ITIH6: variants seen among roughly 807,000 people sequenced by gnomAD.
The protein encoded by ITIH6 is inter-alpha-trypsin inhibitor heavy chain H6.
Under a neutral mutation model 58.2 loss-of-function variants are expected in ITIH6, and 60 were observed. The ratio of observed to expected loss-of-function variants is 1.03; its 90% CI spans 0.84 to 1.28. The LOEUF is 1.28. Among genes scored for constraint, ITIH6 ranks in the 50% most tolerant of loss-of-function variants. The pLI, the probability that ITIH6 is intolerant of heterozygous loss-of-function variation, is 0.00. For synonymous variants in ITIH6, 493 were observed against 417.4 expected (o/e 1.18, Z -2.21); for missense variants, 1,290 against 1,021.1 (o/e 1.26, Z -3.59).
At position 54,758,400 on chromosome X, in the gene ITIH6, G is replaced by A; in HGVS notation, c.1674C>T (p.His558=). 1.7e-6 allele frequency: 2 copies of A among 1,211,186 alleles called. No individual in the cohort carries two copies. Among genetic ancestry groups the A allele is most frequent in the Non-Finnish European group, 2.2e-6 (2 of 895,093 alleles). Residue 558 remains histidine (H), a synonymous_variant, in exon 8 of 13, where the codon CAC becomes CAT. Transcript: ENST00000218436. ...CPGEPAPNVA[H]FIRRLWAYVT... ...CATAGGCCCAGAGGCGGCGGATGAAGTGGGCCACATTGGGGGCTGGCTCCC... is the reference window on the plus strand; with the variant it reads ...CATAGGCCCAGAGGCGGCGGATGAAATGGGCCACATTGGGGGCTGGCTCCC...
chrX:54,759,753 T>TA lies in ITIH6; in HGVS notation c.1075+2dup, dbSNP rs757087469. ...CATTTGGGTGGGTAGATCTAACACT[T>TA]ACAGCCATCGGCTTCCATGCAATGC... On this transcript the variant is annotated splice_region_variant and intron_variant, in intron 7 of 12. Transcript: ENST00000218436. The TA allele has an allele frequency of 0.012, 14,107 of 1,202,700 alleles. 70 individuals carry two copies. The highest frequency in any genetic ancestry group is 0.014 in the Non-Finnish European group (12,547 of 891,246).
intron 5 of ITIH6, among the ~76,000 whole-genome samples, chrX:54,781,702 T>C (rs1382963882): frequency 8.9e-6 from 1 of 112,163 alleles, no homozygotes; most frequent in Non-Finnish European, 1.9e-5. Context: ...AAATCAGAAA[T>C]AGCATTTGAC....
chrX:54,796,803 C>T lies in ITIH6; in HGVS notation c.257+139G>A, dbSNP rs778339939. On this transcript the variant is annotated intron_variant, in intron 2 of 12. Transcript: ENST00000218436. Reference sequence around the variant, plus strand: ...TAACTTGCCCTGGGTCCCAAACTGGCAGAGCCAGGATTCAGACTCAAGAAG... The same window carrying T: ...TAACTTGCCCTGGGTCCCAAACTGGTAGAGCCAGGATTCAGACTCAAGAAG... 44 of 552,805 alleles carry T rather than the reference C, an allele frequency of 8.0e-5. No individual in the cohort carries two copies. The East Asian group carries it at 1.4e-3, about 18-fold the overall frequency. The allele number at this position is 552,805 out of a possible 1,213,427, so 45.6% of individuals were successfully genotyped here.
At chrX:54,774,868 G>A (rs1602061754) in intron 5 of ITIH6, among the ~76,000 whole-genome samples, 2 of 111,960 alleles carry the variant, frequency 1.8e-5, no homozygotes, top group South Asian at 7.4e-4. Flanking sequence ...GAGGGGAGGG[G>A]GGCTGGGAGG....
At chrX:54,771,492 C>T (rs1050470498) in intron 6 of ITIH6, among the ~76,000 whole-genome samples, 1 of 112,008 alleles carries the variant, frequency 8.9e-6, no homozygotes, top group Non-Finnish European at 1.9e-5. Flanking sequence ...CAAAGGGATT[C>T]TTCATTCCTG....
rs778013812 is a variant in ITIH6, at chrX:54,774,486, G to T, written c.787-289C>A. 9.7e-5 allele frequency among the ~76,000 whole-genome samples: 11 copies of T among 113,214 alleles called. No homozygotes were observed. In the South Asian group the frequency reaches 4.0e-3, roughly 41 times the overall value. ...GGATCAGGATCTCTGTAATATGTGA[G>T]TTCCTGTCTGTGAGAGAGTTGGGCT... On this transcript the variant is annotated intron_variant, in intron 5 of 12. Transcript: ENST00000218436.
chrX:54,771,714 T>C (rs776504195), intron 6 of ITIH6, among the ~76,000 whole-genome samples: 1 of 111,637 alleles, frequency 9.0e-6, no homozygotes, highest in Non-Finnish European at 1.9e-5. Flanking sequence ...GACATACATG[T>C]AGACAACAAG....
chrX:54,757,717 G>C lies in ITIH6; in HGVS notation c.2357C>G (p.Pro786Arg). Residue 786 changes from proline (P) to arginine (R), a missense_variant, in exon 8 of 13, where the codon CCT becomes CGT. Physicochemically the swap from Pro to Arg is moderately radical, Grantham distance 103. Transcript: ENST00000218436. Reference protein sequence around the residue: ...VKCVTPLHSKPGAPSHPQLGA... With the variant: ...VKCVTPLHSKRGAPSHPQLGA... ...AAGTTGGGGGTGCGATGGAGCACCA[G>C]GTTTGGAATGCAGTGGAGTAACACA... is the stretch of plus-strand genomic sequence containing the variant. 1 of 1,211,638 alleles carries C rather than the reference G, an allele frequency of 8.3e-7. No individual in the cohort carries two copies. The highest frequency in any genetic ancestry group is 1.1e-6 in the Non-Finnish European group (1 of 895,410).
chrX:54,771,685 C>T lies in ITIH6; in HGVS notation c.903+2396G>A, dbSNP rs1407559531. Reference sequence around the variant, plus strand: ...TTAAAAAATTGGCAAAGGACATGAACAGATACTTCTGAAAAGAAGACATAC... The same window carrying T: ...TTAAAAAATTGGCAAAGGACATGAATAGATACTTCTGAAAAGAAGACATAC... On this transcript the variant is annotated intron_variant, in intron 6 of 12. Transcript: ENST00000218436. Among the ~76,000 whole-genome samples, 4 of 111,746 alleles carry T rather than the reference C, an allele frequency of 3.6e-5. No individual in the cohort carries two copies. The Admixed American group carries it at 3.8e-4, about 11-fold the overall frequency.
intron 6 of ITIH6, among the ~76,000 whole-genome samples, chrX:54,761,989 C>T (rs1178480817): frequency 8.9e-6 from 1 of 111,748 alleles, no homozygotes; most frequent in Admixed American, 9.5e-5. Flanking sequence ...TCCTTGGTAG[C>T]TTGATGGGGA....
chrX:54,753,370 T>C (rs1348150367), intron 11 of ITIH6, among the ~76,000 whole-genome samples: 2 of 112,566 alleles, frequency 1.8e-5, no homozygotes, highest in South Asian at 3.7e-4. Context: ...ATGTTTTTAA[T>C]TTTTTATCGT....
chrX:54,763,829 TA>T (rs1171107737), intron 6 of ITIH6, among the ~76,000 whole-genome samples: 5 of 112,408 alleles, frequency 4.4e-5, no homozygotes, highest in Non-Finnish European at 9.4e-5. Context: ...CGTCAGTTTT[TA>T]CTTCATATAT....
At position 54,788,677 on chromosome X, in the gene ITIH6, G is replaced by GT. The variant is rs763357781; in HGVS notation, c.617-29_617-28insA. On this transcript the variant is annotated intron_variant, in intron 4 of 12. Coordinates refer to ENST00000218436, the MANE Select transcript of ITIH6 (RefSeq NM_198510.3). ...GTATGGGTGGGGAGGATCGGGGCGGGGTGGTACAGAGGACTCGCAAGACAG... is the reference window on the plus strand; with the variant it reads ...GTATGGGTGGGGAGGATCGGGGCGGGTGTGGTACAGAGGACTCGCAAGACAG... 24 of 1,167,551 alleles carry GT rather than the reference G, an allele frequency of 2.1e-5. No homozygotes were observed. The South Asian group carries it at 4.0e-4, about 20-fold the overall frequency.
In ITIH6 at chrX:54,757,435, TG is replaced by T. The variant is rs766044136; in HGVS notation, c.2638del (p.His880IlefsTer22). ...SLSKPETPNP[H>X]MPQTPLPPRP... ...AGGAGGTAGTGGGGTTTGAGGCATA[TG>T]GGGGTTTGGGGTCTCAGGCTTGGAA... is the stretch of plus-strand genomic sequence containing the variant. On this transcript the variant is annotated frameshift_variant, in exon 8 of 13. Transcript: ENST00000218436. LOFTEE classifies it high-confidence loss of function. 3.3e-6 allele frequency: 4 copies of T among 1,207,198 alleles called. No individual in the cohort carries two copies. Among genetic ancestry groups the T allele is most frequent in the Admixed American group, 4.4e-5 (2 of 45,593 alleles).
In ITIH6 at chrX:54,766,976, C is replaced by T. The variant is rs867483158; in HGVS notation, c.904-7049G>A. 1.7e-3 allele frequency among the ~76,000 whole-genome samples: 186 copies of T among 109,642 alleles called. 1 individual carries two copies. The highest frequency in any genetic ancestry group is 2.9e-3 in the Non-Finnish European group (152 of 52,729). ...TTCAGAAGGAATGGTACCAGTTCCT[C>T]CTTGTACCTCTGGTAGAATTCGGCT... On this transcript the variant is annotated intron_variant, in intron 6 of 12. Transcript: ENST00000218436.
intron 5 of ITIH6, among the ~76,000 whole-genome samples, chrX:54,776,531 G>C (rs1255198659): frequency 9.1e-6 from 1 of 109,635 alleles, no homozygotes; most frequent in Non-Finnish European, 1.9e-5. Context: ...CTCCAAAAGA[G>C]ACCCCTTCAT....
chrX:54,758,759 G>T lies in ITIH6; in HGVS notation c.1315C>A (p.Arg439Ser). The change falls in exon 8 of 13, where the codon CGC becomes AGC. Residue 439 changes from arginine (R) to serine (S), a missense_variant. Physicochemically the swap from Arg to Ser is moderately radical, Grantham distance 110 (BLOSUM62 -1). Coordinates refer to ENST00000218436, the MANE Select transcript of ITIH6 (RefSeq NM_198510.3). ...CCCCGGTTTTCCAGGGACAGGCGGC[G>T]CAGCAGTGTAAAGTCAGCATCATCC... Reference protein sequence around the residue: ...FGDDADFTLLRRLSLENRGIA... With the variant: ...FGDDADFTLLSRLSLENRGIA... The T allele has an allele frequency of 8.3e-7, 1 of 1,210,397 alleles. No individual in the cohort carries two copies. The highest frequency in any genetic ancestry group is 1.1e-6 in the Non-Finnish European group (1 of 894,762).
At position 54,757,646 on chromosome X, in the gene ITIH6, G is replaced by T. The variant is rs1162150101; in HGVS notation, c.2428C>A (p.Pro810Thr). Reference protein sequence around the residue: ...QAPKGLPQSRPGVSTLQVPKY... With the variant: ...QAPKGLPQSRTGVSTLQVPKY... ...GGAACCTGAAGTGTAGAGACTCCAGGTCTTGACTGTGGCAGGCCTTTAGGT... is the reference window on the plus strand; with the variant it reads ...GGAACCTGAAGTGTAGAGACTCCAGTTCTTGACTGTGGCAGGCCTTTAGGT... Residue 810 changes from proline (P) to threonine (T), a missense_variant, in exon 8 of 13, where the codon CCT becomes ACT. By Grantham distance (38) the Pro-to-Thr change is conservative. Coordinates refer to ENST00000218436, the MANE Select transcript of ITIH6 (RefSeq NM_198510.3). 3.3e-6 allele frequency: 4 copies of T among 1,209,046 alleles called. No individual in the cohort carries two copies. Among genetic ancestry groups the T allele is most frequent in the South Asian group, 3.5e-5 (2 of 56,716 alleles).
At chrX:54,782,665 A>G (rs1929169810) in intron 5 of ITIH6, among the ~76,000 whole-genome samples, 1 of 111,689 alleles carries the variant, frequency 9.0e-6, no homozygotes, top group Non-Finnish European at 1.9e-5. Flanking sequence ...CATGAACAGA[A>G]CAATAACATG....
Sources: gnomAD v4.1 joint callset for allele counts (sites outside exome capture counted in the v4.1 genomes callset) on GRCh38, gnomAD v4.1.1 for gene constraint, MANE v1.5 for transcripts, NCBI Gene and HGNC (gene_info 2026-07-23, HGNC 2026-07-21) for gene names.